The following CSMD2 variants were observed in gnomAD, a reference collection of about 807,000 sequenced individuals.
The protein encoded by CSMD2 is CUB and Sushi multiple domains 2, also known as CUB and sushi domain-containing protein 2.
A neutral mutation model predicts 398.5 loss-of-function variants in CSMD2; 130 were observed. The ratio of observed to expected loss-of-function variants is 0.33; its 90% CI spans 0.28 to 0.38. The LOEUF is 0.38. Among genes scored for constraint, CSMD2 ranks in the 10% least tolerant of loss-of-function variants. The pLI is 1.00. For synonymous variants in CSMD2, 1,828 were observed against 1,908.5 expected (o/e 0.96, Z 1.10); for missense variants, 3,829 against 4,764.9 (o/e 0.80, Z 5.78).
At chr1:33,534,083 CT>C (rs1655529556) in intron 62 of CSMD2, among the ~76,000 whole-genome samples, 176 bp from the exon 63 acceptor site, 1 of 152,156 alleles carries the variant, frequency 6.6e-6, no homozygotes, top group Non-Finnish European at 1.5e-5. Context: ...GATAGGATGC[CT>C]CCTCCACAAG....
chr1:33,870,734 C>A (rs1446275178), intron 5 of CSMD2: 3 of 152,132 alleles, frequency 2.0e-5, no homozygotes, highest in Admixed American at 2.0e-4. Flanking sequence ...TCTCCAACTC[C>A]TGAAATTCAC....
At chr1:33,621,908 C>T (rs527639397) in intron 37 of CSMD2, among the ~76,000 whole-genome samples, 17 of 152,296 alleles carry the variant, frequency 1.1e-4, no homozygotes, top group African/African-American at 3.8e-4. Context: ...GGACCTTGGC[C>T]AATGCAAGTC....
intron 5 of CSMD2, among the ~76,000 whole-genome samples, chr1:33,893,940 G>T (rs568835026): frequency 6.6e-6 from 1 of 152,326 alleles, no homozygotes; most frequent in African/African-American, 2.4e-5. Flanking sequence ...TTGCTCACTG[G>T]CTGCAGCCTG....
At chr1:33,601,846 A>G (rs1570900473) in intron 43 of CSMD2, among the ~76,000 whole-genome samples, 1 of 152,324 alleles carries the variant, frequency 6.6e-6, no homozygotes, top group South Asian at 2.1e-4. Flanking sequence ...TAAAAATCAG[A>G]CCCTCAGTCA....
intron 2 of CSMD2, among the ~76,000 whole-genome samples, chr1:34,042,751 A>G (rs558186877): frequency 3.3e-5 from 5 of 152,208 alleles, no homozygotes; most frequent in African/African-American, 1.2e-4. Flanking sequence ...ACCTCAGCTC[A>G]TGGCTCTCTC....
intron 44 of CSMD2, among the ~76,000 whole-genome samples, chr1:33,595,293 C>A (rs114670956): frequency 3.4e-4 from 52 of 152,274 alleles, no homozygotes; most frequent in Non-Finnish European, 5.3e-4. Flanking sequence ...TTAGGTTTGC[C>A]TGGTGTTTCC....
chr1:33,719,270 A>C (rs1219447551), intron 19 of CSMD2, among the ~76,000 whole-genome samples: 1 of 152,204 alleles, frequency 6.6e-6, no homozygotes, highest in South Asian at 2.1e-4. Context: ...TACCTAGGAC[A>C]TGGAGTTGGG....
Position 33,570,678 on chromosome 1 carries a change from G to A in CSMD2, c.7957+854C>T, listed in dbSNP as rs140965057. ...CGAGGGACTTATTTCCCCAGCTGCT[G>A]GAAAACAACCCTTGGCTGGCAGCCC... On this transcript the variant is annotated intron_variant, in intron 51 of 70. Transcript: ENST00000373381. Among the ~76,000 whole-genome samples the A allele has an allele frequency of 1.2e-4, 18 of 152,280 alleles. No homozygotes were observed. In the East Asian group the frequency reaches 3.5e-3, roughly 29 times the overall value.
intron 32 of CSMD2, among the ~76,000 whole-genome samples, chr1:33,629,231 T>G (rs1642318517): frequency 6.6e-6 from 1 of 152,110 alleles, no homozygotes; most frequent in Non-Finnish European, 1.5e-5. Flanking sequence ...ATTTAAAAAA[T>G]AACTACTATA....
intron 5 of CSMD2, chr1:33,862,639 C>A (rs543161589): frequency 6.6e-6 from 1 of 152,272 alleles, no homozygotes; most frequent in Non-Finnish European, 1.5e-5. Context: ...CTAGCCCAGA[C>A]TTCCTTGATG....
At chr1:33,556,049 C>T (rs564206792) in intron 55 of CSMD2, among the ~76,000 whole-genome samples, 1 of 152,074 alleles carries the variant, frequency 6.6e-6, no homozygotes, top group South Asian at 2.1e-4. Flanking sequence ...TCAAGAGAAC[C>T]AGAATTAGAG....
chr1:33,687,777 G>A (rs1273385659), intron 25 of CSMD2, among the ~76,000 whole-genome samples: 1 of 151,732 alleles, frequency 6.6e-6, no homozygotes, highest in East Asian at 1.9e-4. Context: ...CTTAGTAACT[G>A]AAAAAATTCT....
At chr1:33,592,422 C>T (rs1240760305) in intron 44 of CSMD2, 1 of 716,108 alleles carries the variant, frequency 1.4e-6, no homozygotes, top group African/African-American at 1.7e-5. Flanking sequence ...CTGGTCCAAG[C>T]TTCTGTGGCT....
At chr1:33,962,764 C>T (rs483083) in intron 3 of CSMD2, among the ~76,000 whole-genome samples, 37,342 of 152,058 alleles carry the variant, frequency 0.25, 7,183 homozygotes, top group African/African-American at 0.52. Flanking sequence ...CAGGTGTGTC[C>T]GCAAATGTCT....
rs74068011 is a variant in CSMD2 at position 34,080,867 on chromosome 1, G to A, written c.404+8110C>T. Reference sequence around the variant, plus strand: ...GAATAAAATGGATCACCCTAGCATTGGAACTTTAAAAAGACCAATAAAATA... The same window carrying A: ...GAATAAAATGGATCACCCTAGCATTAGAACTTTAAAAAGACCAATAAAATA... On this transcript the variant is annotated intron_variant, in intron 2 of 70. Coordinates refer to ENST00000373381, the MANE Select transcript of CSMD2 (RefSeq NM_001281956.2). 7.2e-3 allele frequency among the ~76,000 whole-genome samples: 1,075 copies of A among 148,952 alleles called. 13 individuals carry two copies. Among genetic ancestry groups the A allele is most frequent in the African/African-American group, 0.025 (1,014 of 40,654 alleles).
intron 5 of CSMD2, among the ~76,000 whole-genome samples, chr1:33,858,226 T>C (rs1160375167): frequency 6.6e-6 from 1 of 152,242 alleles, no homozygotes. Flanking sequence ...GAACATCCCA[T>C]GACCTAGAGA....
intron 51 of CSMD2, among the ~76,000 whole-genome samples, chr1:33,569,755 G>C (rs1012539242): frequency 3.9e-5 from 6 of 152,170 alleles, no homozygotes; most frequent in Non-Finnish European, 7.4e-5. Flanking sequence ...TATTTAAAAT[G>C]CCCGGCTCCA....
At position 33,518,171 on chromosome 1, in the gene CSMD2, C is replaced by T. The variant is rs1177782330; in HGVS notation, c.*53+1294G>A. Among the ~76,000 whole-genome samples the T allele has an allele frequency of 6.6e-6, 1 of 152,258 alleles. No homozygotes were observed. Among genetic ancestry groups the T allele is most frequent in the Admixed American group, 6.5e-5 (1 of 15,294 alleles). Reference sequence around the variant, plus strand: ...CTTCAGCACAGGACCTGAGAGGGGGCACCTGCCTATCCCCAGAAAGCGGGA... The same window carrying T: ...CTTCAGCACAGGACCTGAGAGGGGGTACCTGCCTATCCCCAGAAAGCGGGA... On this transcript the variant is annotated intron_variant, in intron 70 of 70. Transcript: ENST00000373381. The surrounding 1 kb of genome is among the most constrained non-coding windows in gnomAD (Gnocchi z 4.3).
intron 49 of CSMD2, among the ~76,000 whole-genome samples, chr1:33,573,020 G>A (rs2794603): frequency 0.5 from 75,832 of 151,426 alleles, 19,190 homozygotes; most frequent in Admixed American, 0.63. Flanking sequence ...CTCTCCAAAC[G>A]AAAGAGAGAA....
Sources: gnomAD v4.1 joint callset for allele counts (sites outside exome capture counted in the v4.1 genomes callset) on GRCh38, gnomAD v4.1.1 for gene constraint, Gnocchi (gnomAD v3.1) non-coding constraint, MANE v1.5 for transcripts, NCBI Gene and HGNC (gene_info 2026-07-23, HGNC 2026-07-21) for gene names.